KHDRBS2: variants seen among roughly 807,000 people sequenced by gnomAD.
KHDRBS2 encodes KH RNA binding domain containing, signal transduction associated 2.
Under a neutral mutation model 44.3 loss-of-function variants are expected in KHDRBS2, and 26 were observed. The ratio of observed to expected loss-of-function variants is 0.59; its 90% CI spans 0.43 to 0.81. The LOEUF (loss-of-function observed/expected upper bound fraction) is 0.81, where lower values mean the gene tolerates loss of function less well. KHDRBS2 is among the 40% of genes least tolerant of loss of function. The pLI, the probability that KHDRBS2 is intolerant of heterozygous loss-of-function variation, is 0.00. For synonymous variants in KHDRBS2, 194 were observed against 151.1 expected, an observed-to-expected ratio of 1.28 and a Z score of -2.08; for missense variants, 476 against 433.1, an observed-to-expected ratio of 1.10 and a Z score of -0.88.
chr6:61,861,332 GT>G (rs1172268968), intron 6 of KHDRBS2, among the ~76,000 whole-genome samples: 8 of 152,070 alleles, frequency 5.3e-5, no homozygotes, highest in Non-Finnish European at 1.2e-4. Flanking sequence ...TTCTTCCAGG[GT>G]TTTTATAGTT....
chr6:61,583,445 C>A, the KHDRBS2 span, among the ~76,000 whole-genome samples: 6 of 151,828 alleles, frequency 4.0e-5, no homozygotes, highest in East Asian at 9.6e-4. Context: ...CAACAAGATT[C>A]TTTTTATATG....
At chr6:61,951,154 CTT>C (rs761989565) in intron 4 of KHDRBS2, among the ~76,000 whole-genome samples, 42 of 151,932 alleles carry the variant, frequency 2.8e-4, no homozygotes, top group Non-Finnish European at 5.7e-4. Flanking sequence ...AAGAAAGAAA[CTT>C]TGTGTGATGT....
At chr6:62,217,406 C>T (rs1830199752) in intron 1 of KHDRBS2, among the ~76,000 whole-genome samples, 1 of 151,854 alleles carries the variant, frequency 6.6e-6, no homozygotes, top group Admixed American at 6.6e-5. Context: ...TAGAAGTAAA[C>T]ATATATAATT....
intron 4 of KHDRBS2, among the ~76,000 whole-genome samples, chr6:61,932,362 C>A (rs966274578): frequency 6.6e-6 from 1 of 152,176 alleles, no homozygotes; most frequent in Non-Finnish European, 1.5e-5. Flanking sequence ...TACAACACAT[C>A]TCTTGAAATT....
intron 1 of KHDRBS2, among the ~76,000 whole-genome samples, chr6:62,185,936 C>A (rs1823328907): frequency 1.3e-5 from 2 of 152,006 alleles, no homozygotes; most frequent in African/African-American, 4.8e-5. Flanking sequence ...GATAAGACCA[C>A]AACCTAACAC....
the KHDRBS2 span, among the ~76,000 whole-genome samples, chr6:61,544,030 T>A: frequency 6.6e-6 from 1 of 151,984 alleles, no homozygotes; most frequent in Non-Finnish European, 1.5e-5. Context: ...ATGAATTAGA[T>A]CTAGTATTTG....
chr6:61,956,988 C>T (rs1369679990), intron 4 of KHDRBS2, among the ~76,000 whole-genome samples: 5 of 151,766 alleles, frequency 3.3e-5, no homozygotes, highest in South Asian at 2.1e-4. Context: ...CAGCTGAAGC[C>T]GTGGCAGAAG....
chr6:62,261,170 T>C (rs1055119701), intron 1 of KHDRBS2, among the ~76,000 whole-genome samples: 1 of 151,970 alleles, frequency 6.6e-6, no homozygotes. Context: ...TTTACTCCTT[T>C]ACTTAAGATC....
intron 2 of KHDRBS2, among the ~76,000 whole-genome samples, chr6:62,170,904 C>T (rs1255176222): frequency 6.6e-6 from 1 of 150,592 alleles, no homozygotes; most frequent in Non-Finnish European, 1.5e-5. Flanking sequence ...TGACTGAACC[C>T]GCCTTATACC....
chr6:61,697,277 C>A, intron 7 of KHDRBS2, 24 bp from the exon 8 acceptor site: 2 of 1,470,886 alleles, frequency 1.4e-6, no homozygotes, highest in Non-Finnish European at 1.9e-6. Flanking sequence ...AGATAGCAAT[C>A]AATGTTACTA....
At chr6:61,791,064 A>G (rs1784565073) in intron 6 of KHDRBS2, among the ~76,000 whole-genome samples, 1 of 151,394 alleles carries the variant, frequency 6.6e-6, no homozygotes, top group South Asian at 2.1e-4. Context: ...GTTCCTTATA[A>G]TATATTCATT....
intron 4 of KHDRBS2, among the ~76,000 whole-genome samples, chr6:61,954,780 G>A (rs1319609207): frequency 1.6e-4 from 10 of 62,484 alleles, no homozygotes; most frequent in African/African-American, 3.6e-4. Context: ...ATACATATGT[G>A]TATATACACA....
chr6:61,941,152 C>T (rs756273857), intron 4 of KHDRBS2, among the ~76,000 whole-genome samples: 7 of 152,076 alleles, frequency 4.6e-5, no homozygotes, highest in Non-Finnish European at 1.0e-4. Context: ...AGGGGATTGC[C>T]GAGCTGAGTC....
chr6:61,614,207 C>G, the KHDRBS2 span, among the ~76,000 whole-genome samples: 1 of 152,044 alleles, frequency 6.6e-6, no homozygotes, highest in Non-Finnish European at 1.5e-5. Context: ...GTCTATTAAA[C>G]ATGTTGTGGT....
intron 6 of KHDRBS2, among the ~76,000 whole-genome samples, chr6:61,797,363 A>T (rs913574877): frequency 6.6e-6 from 1 of 152,166 alleles, no homozygotes; most frequent in Non-Finnish European, 1.5e-5. Context: ...GTAGGTATTT[A>T]TATCTCCATC....
chr6:62,149,374 T>A (rs1297536556), intron 2 of KHDRBS2, among the ~76,000 whole-genome samples: 1 of 152,052 alleles, frequency 6.6e-6, no homozygotes, highest in African/African-American at 2.4e-5. Context: ...ATCTCAAATG[T>A]CTTTGAGATC....
At chr6:61,860,328 C>A (rs1229677439) in intron 6 of KHDRBS2, among the ~76,000 whole-genome samples, 1 of 151,788 alleles carries the variant, frequency 6.6e-6, no homozygotes, top group East Asian at 1.9e-4. Context: ...AGGTATTAAG[C>A]CTAGTATTCA....
chr6:61,578,440 AG>A, the KHDRBS2 span, among the ~76,000 whole-genome samples: 1 of 152,308 alleles, frequency 6.6e-6, no homozygotes, highest in African/African-American at 2.4e-5. Flanking sequence ...GGACTTTTAT[AG>A]AATGAATTTT....
At chr6:62,024,908 A>T (rs1468775502) in intron 3 of KHDRBS2, among the ~76,000 whole-genome samples, 2 of 151,742 alleles carry the variant, frequency 1.3e-5, no homozygotes, top group African/African-American at 4.8e-5. Flanking sequence ...AACAAATAGA[A>T]ATCTGGGATA....
Sources: gnomAD v4.1 joint callset for allele counts (sites outside exome capture counted in the v4.1 genomes callset) on GRCh38, gnomAD v4.1.1 for gene constraint, MANE v1.5 for transcripts, NCBI Gene and HGNC (gene_info 2026-07-23, HGNC 2026-07-21) for gene names.